Variants in COL14A1 observed in about 807,000 individuals in gnomAD.
COL14A1 encodes collagen alpha-1(XIV) chain.
Under a neutral mutation model 230.3 loss-of-function variants are expected in COL14A1, and 136 were observed. That is an observed-to-expected ratio of 0.59 (90% CI 0.51 to 0.68). The LOEUF is 0.68. Ranked by LOEUF, COL14A1 falls within the 30% of genes least tolerant of loss-of-function variation. The probability of loss-of-function intolerance (pLI) is 0.00; values close to 1 mark genes in which losing one functional copy is unlikely to be tolerated. For missense variants in COL14A1, 1,976 were observed against 2,215.8 expected (o/e 0.89, Z 2.17); for synonymous variants, 792 against 784.1 (o/e 1.01, Z -0.17).
At chr8:120,152,335 C>T (rs895802615) in intron 2 of COL14A1, among the ~76,000 whole-genome samples, 10 of 151,590 alleles carry the variant, frequency 6.6e-5, no homozygotes, top group African/African-American at 2.2e-4. Flanking sequence ...TGGTGGCGGG[C>T]GCCTGTAGTC....
At chr8:120,359,166 G>A (rs551327823) in intron 45 of COL14A1, among the ~76,000 whole-genome samples, 34 of 151,862 alleles carry the variant, frequency 2.2e-4, no homozygotes, top group East Asian at 2.1e-3. Flanking sequence ...CTATCGACCC[G>A]TCATCTAGGT....
chr8:120,166,653 G>A (rs1266901059), intron 4 of COL14A1, among the ~76,000 whole-genome samples: 1 of 152,144 alleles, frequency 6.6e-6, no homozygotes, highest in Non-Finnish European at 1.5e-5. Flanking sequence ...GGGTGGGGTT[G>A]AAGATACAGA....
intron 1 of COL14A1, among the ~76,000 whole-genome samples, chr8:120,135,228 ATC>A (rs1814670022): frequency 6.6e-6 from 1 of 152,118 alleles, no homozygotes; most frequent in African/African-American, 2.4e-5. Context: ...AACTGGCATA[ATC>A]TCTCTGGAGA....
chr8:120,175,185 G>A (rs150357296), intron 5 of COL14A1, among the ~76,000 whole-genome samples: 331 of 152,322 alleles, frequency 2.2e-3, no homozygotes, highest in African/African-American at 7.1e-3. Context: ...TACTGTACAT[G>A]TTTCTTTAAT....
chr8:120,227,065 G>A (rs1818118945), intron 16 of COL14A1, among the ~76,000 whole-genome samples, 155 bp from the exon 17 acceptor site: 1 of 152,162 alleles, frequency 6.6e-6, no homozygotes, highest in Admixed American at 6.6e-5. Flanking sequence ...TGAGGGGATT[G>A]AAAGGAATAA....
intron 32 of COL14A1, among the ~76,000 whole-genome samples, chr8:120,284,267 G>A (rs1047224112): frequency 6.6e-6 from 1 of 152,222 alleles, no homozygotes; most frequent in Non-Finnish European, 1.5e-5. Flanking sequence ...GACTGGGTGG[G>A]ATCAACTAGA....
intron 45 of COL14A1, among the ~76,000 whole-genome samples, chr8:120,354,938 T>A (rs1822923957): frequency 6.6e-6 from 1 of 152,210 alleles, no homozygotes; most frequent in African/African-American, 2.4e-5. Flanking sequence ...TTCCATGGGA[T>A]GCTAGTTGGT....
Position 120,333,364 on chromosome 8 carries a change from A to C in COL14A1, c.4785+629A>C, listed in dbSNP as rs10096828. Among the ~76,000 whole-genome samples the C allele has an allele frequency of 8.6e-4, 130 of 152,042 alleles. 3 individuals carry two copies. Among genetic ancestry groups the C allele is most frequent in the Non-Finnish European group, 1.7e-3 (115 of 68,000 alleles). On this transcript the variant is annotated intron_variant, in intron 42 of 47. Coordinates refer to ENST00000297848, the MANE Select transcript of COL14A1 (RefSeq NM_021110.4). ...TCTTCATCTGTAAAATGAGGTCATCATATTACATGGCCTCTGGAGACATGC... is the reference window on the plus strand; with the variant it reads ...TCTTCATCTGTAAAATGAGGTCATCCTATTACATGGCCTCTGGAGACATGC...
intron 2 of COL14A1, among the ~76,000 whole-genome samples, chr8:120,152,937 G>A (rs1030254842): frequency 1.3e-5 from 2 of 152,158 alleles, no homozygotes; most frequent in African/African-American, 4.8e-5. Flanking sequence ...GTGTTCACAC[G>A]TTGACACATA....
chr8:120,240,306 C>G (rs1392120224), intron 19 of COL14A1, among the ~76,000 whole-genome samples: 1 of 152,032 alleles, frequency 6.6e-6, no homozygotes, highest in Non-Finnish European at 1.5e-5. Context: ...TTTACAGGTG[C>G]CCTCTCAGGG....
chr8:120,148,181 C>G (rs1264339620), intron 2 of COL14A1, among the ~76,000 whole-genome samples: 1 of 138,046 alleles, frequency 7.2e-6, no homozygotes, highest in East Asian at 2.2e-4. Flanking sequence ...GAGTCTTGCT[C>G]TGTAGCCCAG....
chr8:120,203,657 C>G (rs372140643), intron 8 of COL14A1, 52 bp from the exon 9 acceptor site: 6 of 1,587,908 alleles, frequency 3.8e-6, no homozygotes, highest in South Asian at 1.2e-5. Flanking sequence ...CGCAGTCACT[C>G]TTTCCAAGGG....
intron 26 of COL14A1, among the ~76,000 whole-genome samples, chr8:120,275,677 A>T (rs1411233897): frequency 6.6e-6 from 1 of 152,076 alleles, no homozygotes; most frequent in African/African-American, 2.4e-5. Context: ...AAATGGCATG[A>T]ATAAACATTT....
chr8:120,256,491 G>GA (rs1392433862), intron 23 of COL14A1, among the ~76,000 whole-genome samples: 2 of 152,192 alleles, frequency 1.3e-5, no homozygotes, highest in Non-Finnish European at 2.9e-5. Flanking sequence ...ATATCATCAT[G>GA]ATAGACATGT....
intron 45 of COL14A1, among the ~76,000 whole-genome samples, chr8:120,360,989 T>C (rs2130365984): frequency 6.6e-6 from 1 of 152,234 alleles, no homozygotes; most frequent in East Asian, 1.9e-4. Flanking sequence ...TCTGCACCCC[T>C]GCTTCTAGTA....
chr8:120,294,847 C>T lies in COL14A1; in HGVS notation c.4237-2664C>T, dbSNP rs143218344. 1.8e-3 allele frequency among the ~76,000 whole-genome samples: 279 copies of T among 151,906 alleles called. 1 individual carries two copies. The highest frequency in any genetic ancestry group is 6.5e-3 in the African/African-American group (271 of 41,506). ...AACTTGCAAAAGAAAAGTCAGCCCA[C>T]GTAACATTCCTGAAATTATAATATT... On this transcript the variant is annotated intron_variant, in intron 34 of 47. Transcript: ENST00000297848.
rs1259773250 is a variant in COL14A1, at chr8:120,345,433, C to T, written c.4947C>T (p.Ile1649=). The T allele has an allele frequency of 2.5e-6, 4 of 1,603,232 alleles. No homozygotes were observed. The highest frequency in any genetic ancestry group is 2.6e-6 in the Non-Finnish European group (3 of 1,175,320). The change falls in exon 45 of 48, where the codon ATC becomes ATT. Residue 1649 remains isoleucine, a synonymous_variant. Coordinates refer to ENST00000297848, the MANE Select transcript of COL14A1 (RefSeq NM_021110.4). ...LNQIPSHSSS[I]RTVQGPPGEP... ...AGATTCCCAGCCACTCCTCATCCAT[C>T]CGGACTGTCCAAGGGCCTCCTGGGG...
intron 14 of COL14A1, among the ~76,000 whole-genome samples, chr8:120,224,297 G>A (rs1036937797): frequency 6.6e-6 from 1 of 152,084 alleles, no homozygotes; most frequent in African/African-American, 2.4e-5. Context: ...AAAGTGCTGG[G>A]ATTGCAGGCG....
At chr8:120,315,432 C>T (rs1256372954) in intron 38 of COL14A1, 101 bp from the exon 39 acceptor site, 26 of 767,174 alleles carry the variant, frequency 3.4e-5, no homozygotes, top group Admixed American at 1.0e-4. Flanking sequence ...TTAGTGCAAA[C>T]GCGATTTACT....
Sources: allele counts gnomAD v4.1 joint callset (sites outside exome capture counted in the v4.1 genomes callset), GRCh38; gene constraint gnomAD v4.1.1; transcripts MANE v1.5; gene names NCBI Gene and HGNC (gene_info 2026-07-23, HGNC 2026-07-21).